The following PRKCE variants were observed in gnomAD, a reference collection of about 807,000 sequenced individuals.
The protein encoded by PRKCE is protein kinase C epsilon.
Under a neutral mutation model 85.4 loss-of-function variants are expected in PRKCE, and 16 were observed. The observed-to-expected ratio is 0.19, with a 90% confidence interval of 0.13 to 0.28. The LOEUF (loss-of-function observed/expected upper bound fraction) is 0.28. PRKCE is among the 10% of genes least tolerant of loss of function. The pLI is 1.00. For missense variants in PRKCE, 573 were observed against 975.2 expected, an observed-to-expected ratio of 0.59 and a Z score of 5.49; for synonymous variants, 388 against 371.5, an observed-to-expected ratio of 1.04 and a Z score of -0.51.
chr2:45,738,123 T>G (rs1295156146), intron 1 of PRKCE, among the ~76,000 whole-genome samples: 2 of 152,180 alleles, frequency 1.3e-5, no homozygotes, highest in Non-Finnish European at 2.9e-5. Flanking sequence ...CTGCTGCCAA[T>G]CTCTCCCACC....
rs1412801322 is a variant in PRKCE, at chr2:45,921,611, C to T, written c.413-54818C>T. 1.3e-5 allele frequency among the ~76,000 whole-genome samples: 2 copies of T among 152,180 alleles called. 1 individual carries two copies. The highest frequency in any genetic ancestry group is 4.8e-5 in the African/African-American group (2 of 41,438). On this transcript the variant is annotated intron_variant, in intron 2 of 14. Coordinates refer to ENST00000306156, the MANE Select transcript of PRKCE (RefSeq NM_005400.3). ...TAAGTGGTAGAGCTGGGTAAACTGA[C>T]AGGGTGACCAGAGCTCCAAGTCACT...
intron 2 of PRKCE, among the ~76,000 whole-genome samples, chr2:45,911,794 C>T (rs930629706): frequency 6.6e-6 from 1 of 152,138 alleles, no homozygotes; most frequent in Non-Finnish European, 1.5e-5. Context: ...ATTTTACCTT[C>T]TCTAGGCTTT....
intron 10 of PRKCE, among the ~76,000 whole-genome samples, chr2:46,056,474 T>C (rs1478968513): frequency 1.3e-5 from 2 of 152,210 alleles, no homozygotes; most frequent in African/African-American, 2.4e-5. Flanking sequence ...CTATATGTTA[T>C]TTGCAGTGAT....
At chr2:45,994,218 G>A (rs570782210) in intron 6 of PRKCE, among the ~76,000 whole-genome samples, 1 of 152,202 alleles carries the variant, frequency 6.6e-6, no homozygotes, top group South Asian at 2.1e-4. Context: ...ACACATGCAC[G>A]GCCTCCCTCA....
At chr2:45,954,853 T>G (rs1186685441) in intron 2 of PRKCE, among the ~76,000 whole-genome samples, 1 of 152,198 alleles carries the variant, frequency 6.6e-6, no homozygotes, top group Non-Finnish European at 1.5e-5. Flanking sequence ...ACACAGTGAT[T>G]GTGAGCTGTT....
chr2:46,150,153 A>T (rs1676475401), intron 12 of PRKCE, among the ~76,000 whole-genome samples: 1 of 152,170 alleles, frequency 6.6e-6, no homozygotes, highest in South Asian at 2.1e-4. Flanking sequence ...CCCAGCCAGA[A>T]AAGATGTCTT....
At chr2:46,076,322 A>G (rs1668558203) in intron 10 of PRKCE, among the ~76,000 whole-genome samples, 1 of 152,150 alleles carries the variant, frequency 6.6e-6, no homozygotes, top group Non-Finnish European at 1.5e-5. Flanking sequence ...TCTTTTTCCT[A>G]AGATGTTGAT....
At position 46,041,186 on chromosome 2, in the gene PRKCE, A is replaced by G. The variant is rs1015774327; in HGVS notation, c.1437+30669A>G. Among the ~76,000 whole-genome samples the G allele has an allele frequency of 1.3e-5, 2 of 152,236 alleles. No homozygotes were observed. The highest frequency in any genetic ancestry group is 4.8e-5 in the African/African-American group (2 of 41,462). ...TTTCTCATATTTGTACCAGTTGTTA[A>G]GCCATAGGTTTTAAACTAACAAATG... On this transcript the variant is annotated intron_variant, in intron 10 of 14. Transcript: ENST00000306156. The surrounding 1 kb of genome is among the most constrained non-coding windows in gnomAD (Gnocchi z 5.5).
At position 46,187,245 on chromosome 2, in the gene PRKCE, C is replaced by A. The variant is rs991042769; in HGVS notation, c.*2364C>A. The A allele has an allele frequency of 5.9e-5, 9 of 152,718 alleles. No individual in the cohort carries two copies. The highest frequency in any genetic ancestry group is 2.2e-4 in the African/African-American group (9 of 41,562). The allele number at this position is 152,718 out of a possible 1,614,324, so 9.5% of individuals were successfully genotyped here. On this transcript the variant is annotated 3_prime_UTR_variant, in exon 15 of 15. Coordinates refer to ENST00000306156, the MANE Select transcript of PRKCE (RefSeq NM_005400.3). ...GGCAGTGGGAACTGGGCCTTTCCTA[C>A]AGGACAACTGGCAAGTTTGCTGGGA... is the stretch of plus-strand genomic sequence containing the variant.
At chr2:45,826,047 G>A (rs1221952026) in intron 1 of PRKCE, among the ~76,000 whole-genome samples, 1 of 152,116 alleles carries the variant, frequency 6.6e-6, no homozygotes, top group East Asian at 1.9e-4. Context: ...TGCATGTTTG[G>A]TGGTGATGGT....
At chr2:46,164,558 A>G (rs945500920) in intron 14 of PRKCE, among the ~76,000 whole-genome samples, 3 of 152,164 alleles carry the variant, frequency 2.0e-5, no homozygotes, top group Non-Finnish European at 2.9e-5. Flanking sequence ...CCCACTCCTC[A>G]GCTGGCCATA....
intron 6 of PRKCE, among the ~76,000 whole-genome samples, chr2:45,989,490 C>A (rs1336611374): frequency 6.6e-6 from 1 of 152,098 alleles, no homozygotes; most frequent in Admixed American, 6.5e-5. Context: ...TGGCTTAGTG[C>A]CCTTGGCTTT....
At chr2:46,120,234 C>T (rs1328520807) in intron 11 of PRKCE, among the ~76,000 whole-genome samples, 1 of 152,230 alleles carries the variant, frequency 6.6e-6, no homozygotes, top group Non-Finnish European at 1.5e-5. Flanking sequence ...TGATGTTCCT[C>T]TAGCATAATG....
chr2:46,076,477 G>A (rs774554325), intron 10 of PRKCE, among the ~76,000 whole-genome samples: 1 of 152,198 alleles, frequency 6.6e-6, no homozygotes, highest in Non-Finnish European at 1.5e-5. Context: ...TCTAATTAGA[G>A]GCAGGAAATG....
Position 46,186,446 on chromosome 2 carries a change from G to A in PRKCE, c.*1565G>A, listed in dbSNP as rs2104756104. The A allele has an allele frequency of 6.5e-6, 1 of 152,694 alleles. No homozygotes were observed. Among genetic ancestry groups the A allele is most frequent in the East Asian group, 1.9e-4 (1 of 5,184 alleles). 9.5% of individuals were successfully genotyped at this position (152,694 alleles called of 1,614,324 possible). ...TTCGTTGCATATAGAGGTATCAACTGCTGCATGTTCAGGCATATTATAAAA... is the reference window on the plus strand; with the variant it reads ...TTCGTTGCATATAGAGGTATCAACTACTGCATGTTCAGGCATATTATAAAA... On this transcript the variant is annotated 3_prime_UTR_variant, in exon 15 of 15. Transcript: ENST00000306156.
At chr2:46,044,914 G>A (rs1302469480) in intron 10 of PRKCE, among the ~76,000 whole-genome samples, 1 of 152,142 alleles carries the variant, frequency 6.6e-6, no homozygotes, top group African/African-American at 2.4e-5. Flanking sequence ...TGATTCTAGT[G>A]TATGTTACAT....
At chr2:46,140,987 TA>T (rs1354461890) in intron 11 of PRKCE, among the ~76,000 whole-genome samples, 1 of 152,224 alleles carries the variant, frequency 6.6e-6, no homozygotes, top group East Asian at 1.9e-4. Flanking sequence ...CAAATCTTGA[TA>T]ATATACCATG....
At chr2:45,935,059 T>C (rs988792011) in intron 2 of PRKCE, among the ~76,000 whole-genome samples, 2 of 117,096 alleles carry the variant, frequency 1.7e-5, no homozygotes, top group Non-Finnish European at 3.8e-5. Context: ...AGACACTCAC[T>C]CTCTCTCTCA....
intron 1 of PRKCE, among the ~76,000 whole-genome samples, chr2:45,660,128 G>C (rs1214033482): frequency 6.6e-6 from 1 of 152,208 alleles, no homozygotes; most frequent in Non-Finnish European, 1.5e-5. Context: ...GTCTAGCACT[G>C]TTGGTAGATA....
Sources: allele counts gnomAD v4.1 joint callset (sites outside exome capture counted in the v4.1 genomes callset), GRCh38; gene constraint gnomAD v4.1.1; non-coding constraint Gnocchi (gnomAD v3.1); transcripts MANE v1.5; gene names NCBI Gene and HGNC (gene_info 2026-07-23, HGNC 2026-07-21).